Variants in ABHD17B observed in about 807,000 individuals in gnomAD.
ABHD17B encodes the protein abhydrolase domain containing 17B, depalmitoylase, also known as alpha/beta hydrolase domain-containing protein 17B.
Under a neutral mutation model 26.2 loss-of-function variants are expected in ABHD17B, and 9 were observed. That is an observed-to-expected ratio of 0.34 (90% CI 0.21 to 0.60). ABHD17B has a LOEUF of 0.60. Ranked by LOEUF, ABHD17B falls within the 20% of genes least tolerant of loss-of-function variation. ABHD17B has a pLI of 0.80. For missense variants in ABHD17B, 224 were observed against 352.1 expected, an observed-to-expected ratio of 0.64 and a Z score of 2.91; for synonymous variants, 127 against 122.3, an observed-to-expected ratio of 1.04 and a Z score of -0.25.
At chr9:71,880,928 G>T (rs916919028) in intron 1 of ABHD17B, among the ~76,000 whole-genome samples, 7 of 151,648 alleles carry the variant, frequency 4.6e-5, no homozygotes, top group South Asian at 2.1e-4. Flanking sequence ...AAGTATAAAG[G>T]TCTATAGAAA....
In ABHD17B at chr9:71,877,784, G is replaced by T. The variant is rs566731742; in HGVS notation, c.-3-2701C>A. Among the ~76,000 whole-genome samples, 9 of 152,290 alleles carry T rather than the reference G, an allele frequency of 5.9e-5. No homozygotes were observed. In the South Asian group the frequency reaches 1.0e-3, roughly 18 times the overall value. On this transcript the variant is annotated intron_variant, in intron 1 of 3. Transcript: ENST00000333421. ...AGCTGGCTGGTTGAACATATATAAT[G>T]CTGTGAAGAAGTTTCTGGGGATGAA...
intron 1 of ABHD17B, among the ~76,000 whole-genome samples, chr9:71,879,932 A>G (rs1487897653): frequency 6.6e-6 from 1 of 152,226 alleles, no homozygotes; most frequent in Non-Finnish European, 1.5e-5. Context: ...ACCCAAACTC[A>G]TAACTACTGT....
chr9:71,890,270 ACAGAGCTGG>A (rs1826743895), intron 1 of ABHD17B, among the ~76,000 whole-genome samples: 4 of 152,110 alleles, frequency 2.6e-5, no homozygotes, highest in Non-Finnish European at 2.9e-5. Context: ...AGCCTGGGTG[ACAGAGCTGG>A]ACTCTGTCAC....
At chr9:71,900,377 A>G (rs1343654862) in intron 1 of ABHD17B, among the ~76,000 whole-genome samples, 1 of 152,206 alleles carries the variant, frequency 6.6e-6, no homozygotes, top group Admixed American at 6.5e-5. Flanking sequence ...TTGTAAAAAA[A>G]TCAAGGTTCG....
chr9:71,890,973 A>T (rs1242610228), intron 1 of ABHD17B, among the ~76,000 whole-genome samples: 2 of 152,004 alleles, frequency 1.3e-5, no homozygotes, highest in African/African-American at 4.8e-5. Flanking sequence ...CTGAATCTCA[A>T]GCTCCTTTTT....
chr9:71,876,497 T>C (rs533420009), intron 1 of ABHD17B, among the ~76,000 whole-genome samples: 3 of 152,272 alleles, frequency 2.0e-5, no homozygotes, highest in South Asian at 4.2e-4. Context: ...ATCTTGTCCT[T>C]TTTCAAATTC....
At chr9:71,874,531 A>G in intron 2 of ABHD17B, 83 bp downstream of exon 2, 1 of 1,167,656 alleles carries the variant, frequency 8.6e-7, no homozygotes, top group Non-Finnish European at 1.2e-6. Flanking sequence ...TGTATAATAA[A>G]AACAGCTTTT....
intron 1 of ABHD17B, among the ~76,000 whole-genome samples, chr9:71,905,491 T>G (rs1187682977): frequency 6.6e-6 from 1 of 152,156 alleles, no homozygotes. Context: ...TTCTAAAATA[T>G]CTGAAATGCA....
chr9:71,866,619 T>C lies in ABHD17B; in HGVS notation c.*168A>G, dbSNP rs947537207. The C allele has an allele frequency of 1.3e-5, 18 of 1,436,836 alleles. No homozygotes were observed. The African/African-American group carries it at 2.0e-4, about 16-fold the overall frequency. The allele number at this position is 1,436,836 out of a possible 1,614,324, so 89.0% of individuals were successfully genotyped here. A position where few individuals can be genotyped will look rare whatever the true frequency, so the allele number is the denominator to read the frequency against. Reference sequence around the variant, plus strand: ...GCACGGTACTGTTATTTCCAGTTTTTAGTTCTGGTAATTAAAACCTTCATT... The same window carrying C: ...GCACGGTACTGTTATTTCCAGTTTTCAGTTCTGGTAATTAAAACCTTCATT... On this transcript the variant is annotated 3_prime_UTR_variant, in exon 4 of 4. Transcript: ENST00000333421.
intron 1 of ABHD17B, among the ~76,000 whole-genome samples, chr9:71,888,639 T>TA (rs1342569992): frequency 1.3e-5 from 2 of 152,184 alleles, no homozygotes. Flanking sequence ...GAGGTTCATA[T>TA]TATGGGTACC....
At position 71,873,342 on chromosome 9, in the gene ABHD17B, T is replaced by A. The variant is rs530175209; in HGVS notation, c.467+1272A>T. 6.9e-4 allele frequency among the ~76,000 whole-genome samples: 105 copies of A among 152,304 alleles called. 2 individuals are homozygous for A. Among genetic ancestry groups the A allele is most frequent in the Non-Finnish European group, 8.8e-5 (6 of 68,030 alleles). ...TAGTTCCCCAAAATGTATGCTGCTATAATCAAAGAATAACTGACATAGTAA... is the reference window on the plus strand; with the variant it reads ...TAGTTCCCCAAAATGTATGCTGCTAAAATCAAAGAATAACTGACATAGTAA... On this transcript the variant is annotated intron_variant, in intron 2 of 3. Coordinates refer to ENST00000333421, the MANE Select transcript of ABHD17B (RefSeq NM_001025780.3).
chr9:71,870,385 A>C, intron 2 of ABHD17B, 123 bp from the exon 3 acceptor site: 2 of 824,458 alleles, frequency 2.4e-6, no homozygotes, highest in Non-Finnish European at 3.5e-6. Context: ...TTTAAACTTA[A>C]GTTTCTTAGC....
In ABHD17B at chr9:71,878,380, T is replaced by A. The variant is rs533002664; in HGVS notation, c.-3-3297A>T. Among the ~76,000 whole-genome samples the A allele has an allele frequency of 3.3e-3, 500 of 152,194 alleles. 2 individuals are homozygous for A. Among genetic ancestry groups the A allele is most frequent in the African/African-American group, 0.011 (448 of 41,510 alleles). On this transcript the variant is annotated intron_variant, in intron 1 of 3. Transcript: ENST00000333421. The stretch of plus-strand genomic sequence containing the variant: ...ATAGAAGTAGAAATATCACTATCCA[T>A]ACTATAGAAGTTCCAGGAGAAAATA...
chr9:71,909,378 C>A (rs1220076668), intron 1 of ABHD17B, among the ~76,000 whole-genome samples: 1 of 152,170 alleles, frequency 6.6e-6, no homozygotes, highest in Non-Finnish European at 1.5e-5. Context: ...TAAAAACTTA[C>A]CAACAAGTTG....
chr9:71,863,171 A>G (rs1273527099), downstream of ABHD17B, among the ~76,000 whole-genome samples: 4 of 152,208 alleles, frequency 2.6e-5, no homozygotes, highest in East Asian at 5.8e-4. Context: ...GATTTGTGTT[A>G]CTATCAAAAT....
At chr9:71,885,460 C>CA (rs35660801) in intron 1 of ABHD17B, among the ~76,000 whole-genome samples, 112,151 of 123,960 alleles carry the variant, frequency 0.9, 51,313 homozygotes, top group East Asian at 0.99. Flanking sequence ...ACTCTGTCTC[C>CA]AAAAAAAAAA....
intron 1 of ABHD17B, among the ~76,000 whole-genome samples, chr9:71,907,840 T>C (rs73647027): frequency 0.017 from 2,641 of 152,290 alleles, 78 homozygotes; most frequent in African/African-American, 0.06. Flanking sequence ...ATTGGTAGTT[T>C]TGTTTGTTTA....
At chr9:71,878,326 C>T (rs1826339940) in intron 1 of ABHD17B, among the ~76,000 whole-genome samples, 1 of 151,658 alleles carries the variant, frequency 6.6e-6, no homozygotes, top group South Asian at 2.1e-4. Context: ...AATTAAGAGA[C>T]AGAAAACAAC....
Position 71,874,885 on chromosome 9 carries a change from T to C in ABHD17B, c.196A>G (p.Ile66Val), listed in dbSNP as rs574357962. The change falls in exon 2 of 4, where the codon ATT becomes GTT. Residue 66 changes from isoleucine to valine, a missense_variant. Ile to Val is a conservative substitution (Grantham distance 29). Coordinates refer to ENST00000333421, the MANE Select transcript of ABHD17B (RefSeq NM_001025780.3). The stretch of plus-strand genomic sequence containing the variant: ...CTGGTTCTAGTCATGAAACACTCAA[T>C]AGCATCTTTTTCTCTAGAAGAATAC... The part of the protein sequence containing the change: ...WQYSSREKDA[I>V]ECFMTRTSKG... The C allele has an allele frequency of 1.1e-5, 18 of 1,614,162 alleles. No homozygotes were observed. In the African/African-American group the frequency reaches 1.7e-4, roughly 16 times the overall value.
Sources: gnomAD v4.1 joint callset for allele counts (sites outside exome capture counted in the v4.1 genomes callset) on GRCh38, gnomAD v4.1.1 for gene constraint, MANE v1.5 for transcripts, NCBI Gene and HGNC (gene_info 2026-07-23, HGNC 2026-07-21) for gene names.